Variants in INPP5D observed in about 807,000 individuals in gnomAD.
INPP5D encodes phosphatidylinositol 3,4,5-trisphosphate 5-phosphatase 1.
In INPP5D, 33 loss-of-function variants were observed where a neutral mutation model predicts 122.9. The ratio of observed to expected loss-of-function variants is 0.27; its 90% CI spans 0.20 to 0.36. INPP5D has a LOEUF of 0.36. Among genes scored for constraint, INPP5D ranks in the 10% least tolerant of loss-of-function variants. The pLI, the probability that INPP5D is intolerant of heterozygous loss-of-function variation, is 1.00. For synonymous variants in INPP5D, 584 were observed against 576.2 expected (o/e 1.01, Z -0.19); for missense variants, 1,053 against 1,412.7 (o/e 0.75, Z 4.08).
At position 233,182,224 on chromosome 2, in the gene INPP5D, A is replaced by G. The variant is rs1480343366; in HGVS notation, c.2072-186A>G. Among the ~76,000 whole-genome samples, 6 of 152,208 alleles carry G rather than the reference A, an allele frequency of 3.9e-5. No individual in the cohort carries two copies. The East Asian group carries it at 1.2e-3, about 29-fold the overall frequency. On this transcript the variant is annotated intron_variant, in intron 18 of 26. Transcript: ENST00000445964. ...CACAGGCTTCTTCTGTCCATGGAGG[A>G]GGCAGTGTCCACACTGTCTTCCACT...
At chr2:233,199,859 T>A (rs936115123) in intron 25 of INPP5D, among the ~76,000 whole-genome samples, 1 of 152,118 alleles carries the variant, frequency 6.6e-6, no homozygotes, top group Non-Finnish European at 1.5e-5. Context: ...TTTCTAGAGC[T>A]AGTTAACCTT....
At chr2:233,155,360 C>T (rs578089348) in intron 9 of INPP5D, among the ~76,000 whole-genome samples, 126 of 152,218 alleles carry the variant, frequency 8.3e-4, no homozygotes, top group African/African-American at 2.6e-3. Context: ...CAGTGGCTCA[C>T]GCCTGTAATC....
chr2:233,198,989 C>A (rs1695260210), intron 25 of INPP5D, among the ~76,000 whole-genome samples: 2 of 151,790 alleles, frequency 1.3e-5, no homozygotes, highest in Non-Finnish European at 2.9e-5. Context: ...GTGGCTCACG[C>A]CTGTAATCCC....
chr2:233,064,638 T>C (rs1691161666), intron 1 of INPP5D, among the ~76,000 whole-genome samples: 1 of 152,218 alleles, frequency 6.6e-6, no homozygotes. Flanking sequence ...AGGCCTAGTT[T>C]ACAGGACTAA....
intron 2 of INPP5D, among the ~76,000 whole-genome samples, chr2:233,108,471 G>T (rs75736593): frequency 2.0e-5 from 3 of 152,186 alleles, no homozygotes; most frequent in South Asian, 2.1e-4. Context: ...ATATGTGGGC[G>T]CATCTGGCCC....
intron 2 of INPP5D, among the ~76,000 whole-genome samples, chr2:233,096,200 CCCGGGGCT>C (rs1175645528): frequency 6.6e-6 from 1 of 152,196 alleles, no homozygotes; most frequent in Non-Finnish European, 1.5e-5. Context: ...AACTGCTTTG[CCCGGGGCT>C]CTTCCGAGTG....
chr2:233,196,899 A>G (rs1695199468), intron 24 of INPP5D, among the ~76,000 whole-genome samples: 1 of 151,564 alleles, frequency 6.6e-6, no homozygotes, highest in Admixed American at 6.6e-5. Flanking sequence ...TCCCTGATCC[A>G]CTTCCAGCTT....
chr2:233,123,276 A>C (rs1171700551), intron 3 of INPP5D, among the ~76,000 whole-genome samples: 6 of 152,172 alleles, frequency 3.9e-5, no homozygotes, highest in African/African-American at 1.4e-4. Context: ...CAACATGGCG[A>C]AACCTTATCT....
At chr2:233,198,554 GT>G (rs1559347858) in intron 25 of INPP5D, among the ~76,000 whole-genome samples, 178 bp downstream of exon 25, 5 of 152,208 alleles carry the variant, frequency 3.3e-5, no homozygotes, top group African/African-American at 1.2e-4. Context: ...AGTCTTCCAT[GT>G]CCTAACCTGT....
At position 233,178,240 on chromosome 2, in the gene INPP5D, T is replaced by C. The variant is rs553839859; in HGVS notation, c.2071+894T>C. Among the ~76,000 whole-genome samples the C allele has an allele frequency of 2.6e-5, 4 of 152,168 alleles. No individual in the cohort carries two copies. In the East Asian group the frequency reaches 7.7e-4, roughly 29 times the overall value. On this transcript the variant is annotated intron_variant, in intron 18 of 26. Transcript: ENST00000445964. ...TGAGCCCAGTAGTTCAAAACCAGCC[T>C]GGGCAACGTAGACTCCATCTCTGAA...
chr2:233,109,605 A>G (rs1408255587), intron 2 of INPP5D, among the ~76,000 whole-genome samples: 2 of 152,012 alleles, frequency 1.3e-5, no homozygotes, highest in Non-Finnish European at 1.5e-5. Flanking sequence ...TTGAGATGGA[A>G]TCTCGCCCTG....
At chr2:233,121,121 C>CTTTCT (rs1391255919) in intron 2 of INPP5D, among the ~76,000 whole-genome samples, 38 of 117,658 alleles carry the variant, frequency 3.2e-4, no homozygotes, top group African/African-American at 1.1e-3. Context: ...TTCTTTCTTT[C>CTTTCT]TTTTTTTTTT....
chr2:233,115,795 CATT>C (rs1692771410), intron 2 of INPP5D, among the ~76,000 whole-genome samples: 3 of 152,192 alleles, frequency 2.0e-5, no homozygotes, highest in African/African-American at 4.8e-5. Flanking sequence ...GCCATTATGT[CATT>C]ATGTTTGCAA....
At chr2:233,108,493 C>T (rs980648011) in intron 2 of INPP5D, among the ~76,000 whole-genome samples, 1 of 152,250 alleles carries the variant, frequency 6.6e-6, no homozygotes, top group Non-Finnish European at 1.5e-5. Context: ...CTTTCTTCCA[C>T]ATCTGATGAT....
At position 233,074,210 on chromosome 2, in the gene INPP5D, C is replaced by T. The variant is rs1053639827; in HGVS notation, c.135-5125C>T. Among the ~76,000 whole-genome samples, 9 of 152,204 alleles carry T rather than the reference C, an allele frequency of 5.9e-5. No individual in the cohort carries two copies. In the South Asian group the frequency reaches 8.3e-4, roughly 14 times the overall value. On this transcript the variant is annotated intron_variant, in intron 1 of 26. Coordinates refer to ENST00000445964, the MANE Select transcript of INPP5D (RefSeq NM_001017915.3). The stretch of plus-strand genomic sequence containing the variant: ...GGGAGATGACAATTCAAGATCCAGC[C>T]GGTGGTGGGGCCAGAGATGAGGGTG...
chr2:233,105,985 G>GGA lies in INPP5D; in HGVS notation c.199-16122_199-16121insGA, dbSNP rs1166839017. Among the ~76,000 whole-genome samples, 313 of 152,312 alleles carry GGA rather than the reference G, an allele frequency of 2.1e-3. 2 individuals carry two copies. Among genetic ancestry groups the GGA allele is most frequent in the Middle Eastern group, 0.02 (6 of 294 alleles). Reference sequence around the variant, plus strand: ...ACTTGACGATTTGTCCCTATTGGCAGATACTGATGATAAAACAAGTTGTGT... The same window carrying GGA: ...ACTTGACGATTTGTCCCTATTGGCAGGAATACTGATGATAAAACAAGTTGTGT... On this transcript the variant is annotated intron_variant, in intron 2 of 26. Coordinates refer to ENST00000445964, the MANE Select transcript of INPP5D (RefSeq NM_001017915.3). This position sits in a 1 kb window ranked among gnomAD's most constrained non-coding sequence, Gnocchi z 4.0.
chr2:233,179,252 C>G (rs940374971), intron 18 of INPP5D, among the ~76,000 whole-genome samples: 1 of 152,222 alleles, frequency 6.6e-6, no homozygotes, highest in Non-Finnish European at 1.5e-5. Context: ...CATTCCCTCC[C>G]TGCCACCCGT....
At chr2:233,200,563 T>C (rs142402762) in intron 25 of INPP5D, among the ~76,000 whole-genome samples, 341 of 152,292 alleles carry the variant, frequency 2.2e-3, no homozygotes, top group Middle Eastern at 3.4e-3. Flanking sequence ...GTCCTCCAGC[T>C]CCCTCCAGTT....
At chr2:233,083,252 G>A (rs933613454) in intron 2 of INPP5D, among the ~76,000 whole-genome samples, 47 of 152,298 alleles carry the variant, frequency 3.1e-4, no homozygotes, top group African/African-American at 9.6e-4. Flanking sequence ...AGCTGGAGGT[G>A]CTTTAGAGCA....
Sources: gnomAD v4.1 joint callset for allele counts (sites outside exome capture counted in the v4.1 genomes callset) on GRCh38, gnomAD v4.1.1 for gene constraint, Gnocchi (gnomAD v3.1) non-coding constraint, MANE v1.5 for transcripts, NCBI Gene and HGNC (gene_info 2026-07-23, HGNC 2026-07-21) for gene names.